The following SLC4A4 variants were observed in gnomAD, a reference collection of about 807,000 sequenced individuals.
The protein encoded by SLC4A4 is electrogenic sodium bicarbonate cotransporter 1.
SLC4A4 carries 27 observed loss-of-function variants against 111.5 expected under a neutral mutation model. The ratio of observed to expected loss-of-function variants is 0.24; its 90% CI spans 0.18 to 0.33. The LOEUF is 0.33. Among genes scored for constraint, SLC4A4 ranks in the 10% least tolerant of loss-of-function variants. The pLI is 1.00. For missense variants in SLC4A4, 909 were observed against 1,315.5 expected, an observed-to-expected ratio of 0.69 and a Z score of 4.78; for synonymous variants, 443 against 463.4, an observed-to-expected ratio of 0.96 and a Z score of 0.57.
Position 71,081,362 on chromosome 4 carries a change from A to G in SLC4A4, c.-64-11368A>G, listed in dbSNP as rs898832402. Among the ~76,000 whole-genome samples the G allele has an allele frequency of 9.9e-5, 15 of 152,062 alleles. 1 individual carries two copies. The highest frequency in any genetic ancestry group is 3.1e-4 in the African/African-American group (13 of 41,362). On this transcript the variant is annotated intron_variant, in intron 1 of 26. Coordinates refer to the SLC4A4 transcript ENST00000649996. ...CCAAACTGGGTTGCCACAGATGCCA[A>G]AACTGGAACTCTGCTGTTGCTAATG... is the stretch of plus-strand genomic sequence containing the variant.
At chr4:71,306,777 C>G (rs1725722910) in intron 3 of SLC4A4, among the ~76,000 whole-genome samples, 1 of 152,084 alleles carries the variant, frequency 6.6e-6, no homozygotes, top group African/African-American at 2.4e-5. Flanking sequence ...ACTCAGTTAC[C>G]TGCAAAAATA....
At chr4:71,352,711 G>T (rs190489081) in intron 5 of SLC4A4, among the ~76,000 whole-genome samples, 4 of 152,288 alleles carry the variant, frequency 2.6e-5, no homozygotes, top group African/African-American at 9.6e-5. Context: ...AGATGTATTT[G>T]CTGTCTACTT....
At chr4:71,152,589 T>C (rs1744337824) in intron 2 of SLC4A4, among the ~76,000 whole-genome samples, 1 of 152,182 alleles carries the variant, frequency 6.6e-6, no homozygotes, top group South Asian at 2.1e-4. Context: ...GCATTTGGGT[T>C]CTCTGCATTA....
chr4:71,509,581 G>A (rs1041848569), intron 16 of SLC4A4, among the ~76,000 whole-genome samples: 1 of 152,296 alleles, frequency 6.6e-6, no homozygotes, highest in African/African-American at 2.4e-5. Context: ...TGGTGGTAGT[G>A]TGGTTTTGCT....
chr4:71,484,525 A>G (rs1220639863), intron 14 of SLC4A4, among the ~76,000 whole-genome samples: 1 of 151,804 alleles, frequency 6.6e-6, no homozygotes, highest in Non-Finnish European at 1.5e-5. Flanking sequence ...CCATAGGTCT[A>G]TGTGTCAGTT....
chr4:71,352,595 G>T (rs1729940761), intron 5 of SLC4A4, among the ~76,000 whole-genome samples: 1 of 152,150 alleles, frequency 6.6e-6, no homozygotes, highest in African/African-American at 2.4e-5. Context: ...TATGACCATG[G>T]GCAAGGCCAG....
At position 71,476,978 on chromosome 4, in the gene SLC4A4, C is replaced by T. The variant is rs1015448097; in HGVS notation, c.1903+4008C>T. On this transcript the variant is annotated intron_variant, in intron 14 of 25. Transcript: ENST00000264485. Reference sequence around the variant, plus strand: ...TACATAGCAGAGTGTGTAAGAAAAACGATAATTTAGTTCAAAAGCCAAAAG... The same window carrying T: ...TACATAGCAGAGTGTGTAAGAAAAATGATAATTTAGTTCAAAAGCCAAAAG... Among the ~76,000 whole-genome samples, 10 of 151,722 alleles carry T rather than the reference C, an allele frequency of 6.6e-5. No homozygotes were observed. In the East Asian group the frequency reaches 1.2e-3, roughly 18 times the overall value.
intron 1 of SLC4A4, among the ~76,000 whole-genome samples, chr4:71,195,756 T>C (rs1745972768): frequency 6.6e-6 from 1 of 152,250 alleles, no homozygotes. Flanking sequence ...GGGTATACTA[T>C]GGATTTAGGG....
intron 2 of SLC4A4, among the ~76,000 whole-genome samples, chr4:71,107,357 G>T (rs2363446): frequency 0.97 from 147,430 of 152,040 alleles, 71,453 homozygotes; most frequent in East Asian, 1. Flanking sequence ...TGTTTTTGGT[G>T]TTTTTTTGAG....
intron 3 of SLC4A4, among the ~76,000 whole-genome samples, chr4:71,335,255 G>C (rs189967005): frequency 2.8e-4 from 42 of 152,274 alleles, no homozygotes; most frequent in Admixed American, 1.8e-3. Flanking sequence ...CTGATTTAGG[G>C]ATCTTTGATG....
At chr4:71,331,102 G>A (rs2148878638) in intron 3 of SLC4A4, among the ~76,000 whole-genome samples, 2 of 152,238 alleles carry the variant, frequency 1.3e-5, no homozygotes, top group Middle Eastern at 3.4e-3. Context: ...AGAGGATGTG[G>A]AGAAATAGGA....
At chr4:71,550,791 G>T (rs1351101444) in intron 20 of SLC4A4, among the ~76,000 whole-genome samples, 3 of 151,848 alleles carry the variant, frequency 2.0e-5, no homozygotes, top group Admixed American at 6.6e-5. Flanking sequence ...GTAGGAAGTT[G>T]TTTCTCCTGC....
At chr4:71,146,528 G>A (rs1466286799) in intron 2 of SLC4A4, among the ~76,000 whole-genome samples, 2 of 152,122 alleles carry the variant, frequency 1.3e-5, no homozygotes, top group East Asian at 3.9e-4. Context: ...TCGTTCACCT[G>A]TCTAATGTGG....
At chr4:71,197,058 T>A (rs1012199261) in intron 1 of SLC4A4, among the ~76,000 whole-genome samples, 5 of 150,972 alleles carry the variant, frequency 3.3e-5, no homozygotes, top group African/African-American at 7.3e-5. Flanking sequence ...CTACTAAAAA[T>A]ACAAAAATTA....
intron 9 of SLC4A4, among the ~76,000 whole-genome samples, chr4:71,448,019 C>T (rs1725389661): frequency 6.6e-6 from 1 of 152,044 alleles, no homozygotes. Context: ...GTCAAATATT[C>T]TTTAAAAAGT....
intron 2 of SLC4A4, among the ~76,000 whole-genome samples, chr4:71,160,337 C>CTT (rs11307159): frequency 1.2e-4 from 18 of 147,274 alleles, no homozygotes; most frequent in East Asian, 7.8e-4. Context: ...TAACTCCAGG[C>CTT]TTTTTTTTTT....
intron 3 of SLC4A4, among the ~76,000 whole-genome samples, chr4:71,311,197 G>A (rs1001120020): frequency 6.6e-6 from 1 of 152,094 alleles, no homozygotes; most frequent in Non-Finnish European, 1.5e-5. Context: ...TATAAAACAA[G>A]TTCTTAGAGA....
At chr4:71,377,799 A>G (rs1431858606) in intron 6 of SLC4A4, among the ~76,000 whole-genome samples, 1 of 152,142 alleles carries the variant, frequency 6.6e-6, no homozygotes, top group African/African-American at 2.4e-5. Flanking sequence ...ATGTTTGTGT[A>G]TATTTCATTT....
At chr4:71,302,451 A>G (rs760198634) in intron 3 of SLC4A4, among the ~76,000 whole-genome samples, 6 of 152,182 alleles carry the variant, frequency 3.9e-5, no homozygotes, top group African/African-American at 7.2e-5. Context: ...ACTTCCACAG[A>G]GTATGAAGGT....
Sources: allele counts gnomAD v4.1 joint callset (sites outside exome capture counted in the v4.1 genomes callset), GRCh38; gene constraint gnomAD v4.1.1; transcripts MANE v1.5; gene names NCBI Gene and HGNC (gene_info 2026-07-23, HGNC 2026-07-21).